The following CCDC60 variants were observed in gnomAD, a reference collection of about 807,000 sequenced individuals.
CCDC60 encodes the protein coiled-coil domain containing 60.
CCDC60 carries 54 observed loss-of-function variants against 63.5 expected under a neutral mutation model. The ratio of observed to expected loss-of-function variants is 0.85; its 90% CI spans 0.68 to 1.07. The LOEUF (loss-of-function observed/expected upper bound fraction) is 1.07, where lower values mean the gene tolerates loss of function less well. CCDC60 is among the 50% of genes least tolerant of loss of function. CCDC60 has a pLI of 0.00. For synonymous variants in CCDC60, 206 were observed against 238.8 expected (o/e 0.86, Z 1.27); for missense variants, 651 against 684.3 (o/e 0.95, Z 0.54).
chr12:119,456,064 C>CAAGA lies in CCDC60; in HGVS notation c.171-15927_171-15926insAAAG, dbSNP rs1950744009. ...GAAAGAAAGAAAGAAAGAAAGAAAG[C>CAAGA]AAGCAAGCATGTGCAATTTCAAGGG... is the stretch of plus-strand genomic sequence containing the variant. On this transcript the variant is annotated intron_variant, in intron 2 of 13. Coordinates refer to ENST00000327554, the MANE Select transcript of CCDC60 (RefSeq NM_178499.5). The surrounding 1 kb of genome is among the most constrained non-coding windows in gnomAD (Gnocchi z 4.6). Among the ~76,000 whole-genome samples the CAAGA allele has an allele frequency of 7.0e-5, 7 of 99,388 alleles. No individual in the cohort carries two copies. Among genetic ancestry groups the CAAGA allele is most frequent in the African/African-American group, 2.9e-4 (7 of 24,210 alleles). The allele number at this position is 99,388 out of a possible 152,430, so 65.2% of individuals were successfully genotyped here. A position where few individuals can be genotyped will look rare whatever the true frequency, so the allele number is the denominator to read the frequency against.
chr12:119,523,599 C>A, intron 10 of CCDC60, 94 bp from the exon 11 acceptor site: 1 of 1,557,450 alleles, frequency 6.4e-7, no homozygotes, highest in African/African-American at 1.4e-5. Flanking sequence ...CCATGCAGAG[C>A]ACCTTGGGGC....
chr12:119,339,665 A>C (rs1404010400), intron 1 of CCDC60, among the ~76,000 whole-genome samples: 31 of 152,140 alleles, frequency 2.0e-4, no homozygotes, highest in Admixed American at 2.0e-3. Context: ...AGAACTAGCC[A>C]GGTGTGGTGG....
intron 3 of CCDC60, among the ~76,000 whole-genome samples, chr12:119,476,010 A>G (rs1593142354): frequency 6.6e-6 from 1 of 152,366 alleles, no homozygotes; most frequent in East Asian, 1.9e-4. Flanking sequence ...TACAAGTTTC[A>G]TTTATAAATA....
intron 1 of CCDC60, among the ~76,000 whole-genome samples, chr12:119,352,872 G>A (rs147064940): frequency 0.022 from 3,410 of 152,154 alleles, 130 homozygotes; most frequent in African/African-American, 0.078. Flanking sequence ...CCAGGGAGGC[G>A]GAGGTTATAG....
rs1272355991 is a variant in CCDC60 at position 119,530,880 on chromosome 12, T to C, written c.1368T>C (p.Phe456=). 1 of 1,613,208 alleles carries C rather than the reference T, an allele frequency of 6.2e-7. No individual in the cohort carries two copies. Among genetic ancestry groups the C allele is most frequent in the East Asian group, 2.2e-5 (1 of 44,876 alleles). ...DAEEIADHWY[F]DLLSKLPEDL... ...TCTCCTTTTGGAATTGAAGGTACTT[T>C]GATCTGTTGTCCAAACTGCCAGAGG... The change falls in exon 13 of 14, where the codon TTT becomes TTC. Residue 456 remains phenylalanine, a synonymous_variant. Transcript: ENST00000327554.
intron 12 of CCDC60, 126 bp from the exon 13 acceptor site, chr12:119,530,748 T>C: frequency 1.4e-6 from 1 of 706,278 alleles, no homozygotes; most frequent in Non-Finnish European, 2.4e-6. Flanking sequence ...GAAAGGTCCC[T>C]AGATAAAGAA....
chr12:119,534,987 G>T (rs1252554861), intron 13 of CCDC60, among the ~76,000 whole-genome samples: 1 of 152,210 alleles, frequency 6.6e-6, no homozygotes, highest in East Asian at 1.9e-4. Context: ...GTTTCAGAAG[G>T]AATGGTACCA....
chr12:119,454,984 C>T (rs1163966978), intron 2 of CCDC60, among the ~76,000 whole-genome samples: 1 of 152,168 alleles, frequency 6.6e-6, no homozygotes, highest in Non-Finnish European at 1.5e-5. Flanking sequence ...AAGGGGCTAA[C>T]GGGCATATGT....
At chr12:119,468,948 ATAT>A (rs1951005477) in intron 2 of CCDC60, among the ~76,000 whole-genome samples, 1 of 151,550 alleles carries the variant, frequency 6.6e-6, no homozygotes, top group Non-Finnish European at 1.5e-5. Flanking sequence ...AAAAATATAT[ATAT>A]TATTTCCTAA....
At chr12:119,377,238 G>C (rs890153952) in intron 1 of CCDC60, among the ~76,000 whole-genome samples, 1 of 111,352 alleles carries the variant, frequency 9.0e-6, no homozygotes, top group African/African-American at 3.4e-5. Context: ...CTGGGCGACA[G>C]AGCAACACTC....
intron 13 of CCDC60, among the ~76,000 whole-genome samples, chr12:119,539,495 G>A (rs1413358126): frequency 6.6e-6 from 1 of 152,160 alleles, no homozygotes; most frequent in Admixed American, 6.5e-5. Context: ...GGGGAAAACT[G>A]CCTACCCAAA....
At chr12:119,457,325 C>T (rs1950766784) in intron 2 of CCDC60, among the ~76,000 whole-genome samples, 1 of 152,160 alleles carries the variant, frequency 6.6e-6, no homozygotes, top group African/African-American at 2.4e-5. Context: ...AATTTATGAT[C>T]AAAAAGAACC....
intron 1 of CCDC60, among the ~76,000 whole-genome samples, chr12:119,380,509 T>G (rs888521742): frequency 6.6e-6 from 1 of 152,234 alleles, no homozygotes; most frequent in African/African-American, 2.4e-5. Flanking sequence ...TTAGGTCTTC[T>G]CTTACCCAAC....
At chr12:119,376,645 T>TAA (rs1343871033) in intron 1 of CCDC60, among the ~76,000 whole-genome samples, 1 of 151,750 alleles carries the variant, frequency 6.6e-6, no homozygotes, top group Non-Finnish European at 1.5e-5. Flanking sequence ...TAAAATAAAA[T>TAA]AAAATAAAAC....
chr12:119,417,170 C>T lies in CCDC60; in HGVS notation c.91-11513C>T, dbSNP rs184962647. Among the ~76,000 whole-genome samples the T allele has an allele frequency of 3.4e-3, 506 of 150,386 alleles. 3 individuals carry two copies. Among genetic ancestry groups the T allele is most frequent in the Non-Finnish European group, 3.1e-3 (212 of 67,480 alleles). On this transcript the variant is annotated intron_variant, in intron 1 of 13. Coordinates refer to ENST00000327554, the MANE Select transcript of CCDC60 (RefSeq NM_178499.5). The stretch of plus-strand genomic sequence containing the variant: ...CACCCCTCCCCTCATCAAAGTTTAA[C>T]TCAGTAGTGTTCTCAATTGAGGGTG...
At chr12:119,483,702 A>G (rs1158030071) in intron 4 of CCDC60, among the ~76,000 whole-genome samples, 2 of 152,214 alleles carry the variant, frequency 1.3e-5, no homozygotes, top group African/African-American at 2.4e-5. Context: ...AGTAGTTTTA[A>G]TAGAGTGAGC....
At chr12:119,439,173 A>G (rs1197784894) in intron 2 of CCDC60, among the ~76,000 whole-genome samples, 1 of 142,356 alleles carries the variant, frequency 7.0e-6, no homozygotes, top group Non-Finnish European at 1.6e-5. Context: ...AAAAAAAAAA[A>G]AGAGTTAGCT....
intron 1 of CCDC60, among the ~76,000 whole-genome samples, chr12:119,364,788 A>AT (rs1352237272): frequency 6.6e-6 from 1 of 152,236 alleles, no homozygotes; most frequent in Non-Finnish European, 1.5e-5. Context: ...CGCAAGCATG[A>AT]TGAGTGTTGC....
intron 7 of CCDC60, among the ~76,000 whole-genome samples, chr12:119,513,492 A>C (rs1292322665): frequency 6.6e-6 from 1 of 152,144 alleles, no homozygotes; most frequent in East Asian, 1.9e-4. Flanking sequence ...GCATCACTTG[A>C]ATCTAGAGCC....
Sources: gnomAD v4.1 joint callset for allele counts (sites outside exome capture counted in the v4.1 genomes callset) on GRCh38, gnomAD v4.1.1 for gene constraint, Gnocchi (gnomAD v3.1) non-coding constraint, MANE v1.5 for transcripts, NCBI Gene and HGNC (gene_info 2026-07-23, HGNC 2026-07-21) for gene names.